DRC11L: variants seen among roughly 807,000 people sequenced by gnomAD.
DRC11L encodes the protein dynein regulatory complex subunit 11 like.
At chr7:151,197,451 A>G in the DRC11L span, 1 of 397,760 alleles carries the variant, frequency 2.5e-6, no homozygotes, top group South Asian at 1.4e-4. Flanking sequence ...GGGTGAACCA[A>G]CGATTCCCTA....
the DRC11L span, among the ~76,000 whole-genome samples, chr7:151,199,282 C>A: frequency 2.6e-5 from 4 of 152,172 alleles, no homozygotes; most frequent in Non-Finnish European, 5.9e-5. The surrounding 1 kb of genome is among the most constrained non-coding windows in gnomAD (Gnocchi z 5.2). Context: ...AGCACACCCT[C>A]CCCTGGAGCC....
At chr7:151,196,296 C>T in the DRC11L span, among the ~76,000 whole-genome samples, 3 of 152,060 alleles carry the variant, frequency 2.0e-5, no homozygotes, top group African/African-American at 4.8e-5. Context: ...CAAAGTCTAC[C>T]GAGGATGAGC....
chr7:151,201,212 T>C, the DRC11L span, among the ~76,000 whole-genome samples: 3 of 152,242 alleles, frequency 2.0e-5, no homozygotes, highest in Non-Finnish European at 4.4e-5. This position sits in a 1 kb window ranked among gnomAD's most constrained non-coding sequence, Gnocchi z 4.1. Context: ...GACCGGTTCC[T>C]GCCCTTCTCA....
At chr7:151,197,888 G>A in the DRC11L span, 1 of 399,288 alleles carries the variant, frequency 2.5e-6, no homozygotes, top group East Asian at 3.6e-5. Flanking sequence ...GATAATCAGG[G>A]AACCGGCCAG....
At chr7:151,204,760 G>T in the DRC11L span, 2 of 399,086 alleles carry the variant, frequency 5.0e-6, no homozygotes, top group East Asian at 3.6e-5. Flanking sequence ...TCGGGCGCAG[G>T]TTCGAGCAGA....
the DRC11L span, chr7:151,198,854 C>T: frequency 1.3e-4 from 51 of 399,000 alleles, no homozygotes; most frequent in Non-Finnish European, 3.1e-5. Flanking sequence ...TCATGTCAGG[C>T]CCCTCTGTCT....
the DRC11L span, chr7:151,196,011 C>T: frequency 5.2e-5 from 12 of 232,380 alleles, no homozygotes; most frequent in Non-Finnish European, 8.3e-5. Context: ...CTCAGTTTCC[C>T]GTGTGTACCA....
chr7:151,198,494 G>A, the DRC11L span, among the ~76,000 whole-genome samples: 1 of 152,124 alleles, frequency 6.6e-6, no homozygotes, highest in African/African-American at 2.4e-5. Context: ...GAAATGGATT[G>A]TTACAAACAG....
the DRC11L span, among the ~76,000 whole-genome samples, chr7:151,199,525 G>A: frequency 0.018 from 2,773 of 152,208 alleles, 101 homozygotes; most frequent in African/African-American, 0.063. The surrounding 1 kb of genome is among the most constrained non-coding windows in gnomAD (Gnocchi z 5.2). Context: ...TGCCTCTTTC[G>A]GCCTGCTCTC....
At chr7:151,199,093 C>A in the DRC11L span, 1 of 398,314 alleles carries the variant, frequency 2.5e-6, no homozygotes, top group Non-Finnish European at 4.4e-6. The surrounding 1 kb of genome is among the most constrained non-coding windows in gnomAD (Gnocchi z 5.2). Flanking sequence ...GGCACACACG[C>A]CTGTACCCAC....
At chr7:151,204,400 G>C in the DRC11L span, 11 of 223,366 alleles carry the variant, frequency 4.9e-5, no homozygotes, top group East Asian at 8.2e-5. Context: ...CCGACCCCAA[G>C]CTGGCCAGGG....
At chr7:151,205,211 G>T in the DRC11L span, among the ~76,000 whole-genome samples, 5 of 152,066 alleles carry the variant, frequency 3.3e-5, no homozygotes, top group Non-Finnish European at 7.4e-5. Context: ...CTGGTGGATG[G>T]GAAGTGGGGG....
At chr7:151,201,781 G>A in the DRC11L span, among the ~76,000 whole-genome samples, 4 of 152,186 alleles carry the variant, frequency 2.6e-5, no homozygotes, top group African/African-American at 9.7e-5. The surrounding 1 kb of genome is among the most constrained non-coding windows in gnomAD (Gnocchi z 4.1). Context: ...GGTGGCAAGA[G>A]GCTTCCATGA....
the DRC11L span, chr7:151,191,073 C>T: frequency 2.5e-6 from 1 of 399,384 alleles, no homozygotes; most frequent in Non-Finnish European, 4.4e-6. Flanking sequence ...CCAGTGGGGT[C>T]TTGAAGTACC....
the DRC11L span, chr7:151,203,431 C>G: frequency 5.3e-5 from 21 of 399,120 alleles, no homozygotes; most frequent in Non-Finnish European, 8.4e-5. Flanking sequence ...TGGACAGGAT[C>G]TCGGCCAGTA....
At chr7:151,195,916 A>G in the DRC11L span, 2 of 317,368 alleles carry the variant, frequency 6.3e-6, no homozygotes, top group Non-Finnish European at 1.1e-5. Context: ...AGCCTTCAAC[A>G]TGCGGAGAAG....
chr7:151,196,877 C>A, the DRC11L span: 16 of 398,838 alleles, frequency 4.0e-5, no homozygotes, highest in Non-Finnish European at 6.2e-5. Context: ...ACCCACACTG[C>A]CACTTCATGG....
At chr7:151,196,599 G>A in the DRC11L span, 1 of 399,588 alleles carries the variant, frequency 2.5e-6, no homozygotes, top group Non-Finnish European at 4.4e-6. Flanking sequence ...AGAGTGCCGG[G>A]TGCATACACA....
At chr7:151,191,682 C>T in the DRC11L span, 2 of 399,294 alleles carry the variant, frequency 5.0e-6, no homozygotes, top group South Asian at 1.3e-4. Flanking sequence ...TCCAGCTTCA[C>T]CAGTTGTCCC....
Sources: allele counts gnomAD v4.1 joint callset (sites outside exome capture counted in the v4.1 genomes callset), GRCh38; gene constraint gnomAD v4.1.1; non-coding constraint Gnocchi (gnomAD v3.1); transcripts MANE v1.5; gene names NCBI Gene and HGNC (gene_info 2026-07-23, HGNC 2026-07-21).